MORC1: variants seen among roughly 807,000 people sequenced by gnomAD.
MORC1 encodes MORC family CW-type zinc finger 1, also known as MORC family CW-type zinc finger protein 1.
In MORC1, 59 loss-of-function variants were observed where a neutral mutation model predicts 134.9. That is an observed-to-expected ratio of 0.44 (90% CI 0.35 to 0.54). MORC1 has a LOEUF of 0.54. MORC1 is among the 20% of genes least tolerant of loss of function. MORC1 has a pLI of 0.00. For missense variants in MORC1, 947 were observed against 1,134.5 expected (o/e 0.83, Z 2.37); for synonymous variants, 395 against 391.7 (o/e 1.01, Z -0.10).
At chr3:109,073,383 T>C (rs1385570075) in intron 8 of MORC1, among the ~76,000 whole-genome samples, 1 of 139,240 alleles carries the variant, frequency 7.2e-6, no homozygotes, top group Non-Finnish European at 1.6e-5. Context: ...TTTTTAAAGC[T>C]ACCCAGGTGA....
intron 8 of MORC1, among the ~76,000 whole-genome samples, chr3:109,078,484 G>C (rs1950463427): frequency 6.6e-6 from 1 of 151,840 alleles, no homozygotes; most frequent in South Asian, 2.1e-4. Context: ...AAAATTATAA[G>C]CTATTTAGAA....
chr3:108,993,163 T>C lies in MORC1; in HGVS notation c.2188-6214A>G, dbSNP rs560958789. On this transcript the variant is annotated intron_variant, in intron 21 of 27. Coordinates refer to ENST00000232603, the MANE Select transcript of MORC1 (RefSeq NM_014429.4). ...CATAACATAATACTACCTCATGGTG[T>C]TGTAAAACTGTCTTAACCAATTTTT... Among the ~76,000 whole-genome samples the C allele has an allele frequency of 6.6e-5, 10 of 152,318 alleles. No homozygotes were observed. The South Asian group carries it at 2.1e-3, about 32-fold the overall frequency.
intron 3 of MORC1, among the ~76,000 whole-genome samples, chr3:109,109,284 A>C (rs1056874168): frequency 6.6e-6 from 1 of 151,890 alleles, no homozygotes; most frequent in Middle Eastern, 3.4e-3. Context: ...TGTATTGTCT[A>C]TCTCTCCCCA....
intron 8 of MORC1, among the ~76,000 whole-genome samples, chr3:109,078,932 C>T (rs1388371252): frequency 6.6e-6 from 1 of 151,242 alleles, no homozygotes; most frequent in Non-Finnish European, 1.5e-5. Flanking sequence ...AAATTTAAGC[C>T]CCAAAATTCC....
chr3:109,029,476 C>T (rs140229224), intron 16 of MORC1, among the ~76,000 whole-genome samples: 3 of 152,310 alleles, frequency 2.0e-5, no homozygotes, highest in Admixed American at 6.5e-5. Flanking sequence ...ATATGCAATA[C>T]AATCCATAAA....
At chr3:109,018,591 T>C (rs564820182) in intron 17 of MORC1, among the ~76,000 whole-genome samples, 1 of 152,292 alleles carries the variant, frequency 6.6e-6, no homozygotes, top group South Asian at 2.1e-4. Flanking sequence ...AATGTCCAGA[T>C]ACATTTTCTT....
chr3:109,056,556 T>C (rs569269626), intron 13 of MORC1, among the ~76,000 whole-genome samples: 26 of 152,340 alleles, frequency 1.7e-4, no homozygotes, highest in Non-Finnish European at 3.4e-4. Flanking sequence ...ATCATTCTTG[T>C]TATTTTCATA....
At chr3:109,059,982 C>T in intron 11 of MORC1, 112 bp from the exon 12 acceptor site, 1 of 767,982 alleles carries the variant, frequency 1.3e-6, no homozygotes. Flanking sequence ...CTCACATTAC[C>T]TAATGCAATT....
intron 13 of MORC1, among the ~76,000 whole-genome samples, chr3:109,055,751 C>T (rs1949944053): frequency 6.6e-6 from 1 of 152,134 alleles, no homozygotes; most frequent in African/African-American, 2.4e-5. Flanking sequence ...ACAGGTTCCC[C>T]CTGGCTTTGA....
At chr3:109,000,105 G>A (rs73850690) in intron 21 of MORC1, among the ~76,000 whole-genome samples, 6,030 of 152,224 alleles carry the variant, frequency 0.04, 257 homozygotes, top group Middle Eastern at 0.11. Context: ...AGGAGAAAAT[G>A]GGGAGCATGC....
chr3:109,009,204 G>GTTT (rs1207320361), intron 17 of MORC1, among the ~76,000 whole-genome samples: 9 of 96,772 alleles, frequency 9.3e-5, no homozygotes, highest in African/African-American at 1.5e-4. Flanking sequence ...TACGTTTTTT[G>GTTT]TTGTTTTTTT....
rs1250522338 is a variant in MORC1 at position 109,082,264 on chromosome 3, C to A, written c.689+11172G>T. Among the ~76,000 whole-genome samples the A allele has an allele frequency of 6.0e-5, 9 of 150,324 alleles. No homozygotes were observed. In the East Asian group the frequency reaches 7.8e-4, roughly 13 times the overall value. On this transcript the variant is annotated intron_variant, in intron 8 of 27. Coordinates refer to ENST00000232603, the MANE Select transcript of MORC1 (RefSeq NM_014429.4). The stretch of plus-strand genomic sequence containing the variant: ...GGAGAAAAATTTAAAAAAAAAAAAA[C>A]CACCAGGTAAATTACGAATAATCTT...
intron 24 of MORC1, among the ~76,000 whole-genome samples, chr3:108,978,126 C>T (rs1947614666): frequency 6.6e-6 from 1 of 152,174 alleles, no homozygotes; most frequent in Admixed American, 6.5e-5. Flanking sequence ...ATCCGCCCAC[C>T]TCGGCCTCCC....
chr3:109,101,992 T>C (rs1381768523), intron 4 of MORC1, among the ~76,000 whole-genome samples: 1 of 152,212 alleles, frequency 6.6e-6, no homozygotes, highest in Non-Finnish European at 1.5e-5. Flanking sequence ...AATAAACCAC[T>C]GAACAGGCCA....
intron 23 of MORC1, among the ~76,000 whole-genome samples, chr3:108,980,751 A>G (rs1576591537): frequency 6.6e-6 from 1 of 152,360 alleles, no homozygotes; most frequent in East Asian, 1.9e-4. Context: ...CTGAGAGAAA[A>G]GCATAGAATA....
At chr3:109,041,929 G>A (rs370639358) in intron 14 of MORC1, among the ~76,000 whole-genome samples, 5 of 151,166 alleles carry the variant, frequency 3.3e-5, no homozygotes, top group Admixed American at 2.6e-4. Flanking sequence ...GGGCAACAGA[G>A]TGAGACTCCA....
At chr3:109,003,264 T>C (rs1418120967) in intron 20 of MORC1, among the ~76,000 whole-genome samples, 4 of 150,630 alleles carry the variant, frequency 2.7e-5, no homozygotes, top group Non-Finnish European at 5.9e-5. Flanking sequence ...AAATTATACA[T>C]ATATATATAT....
intron 21 of MORC1, among the ~76,000 whole-genome samples, chr3:108,987,641 T>G (rs1390615047): frequency 6.6e-6 from 1 of 151,772 alleles, no homozygotes; most frequent in Non-Finnish European, 1.5e-5. Flanking sequence ...TGGGAGTGGA[T>G]GGGGGACATT....
chr3:109,092,727 T>A (rs1950755541), intron 8 of MORC1, among the ~76,000 whole-genome samples: 1 of 152,204 alleles, frequency 6.6e-6, no homozygotes, highest in Non-Finnish European at 1.5e-5. Flanking sequence ...ATTAAATATG[T>A]CCCTCGTTGT....
Sources: allele counts gnomAD v4.1 joint callset (sites outside exome capture counted in the v4.1 genomes callset), GRCh38; gene constraint gnomAD v4.1.1; transcripts MANE v1.5; gene names NCBI Gene and HGNC (gene_info 2026-07-23, HGNC 2026-07-21).